SPACA3: variants seen among roughly 807,000 people sequenced by gnomAD.
SPACA3 encodes the protein sperm acrosome associated 3, also known as sperm acrosome membrane-associated protein 3.
In SPACA3, 21 loss-of-function variants were observed where a neutral mutation model predicts 24.5. The observed-to-expected ratio is 0.86, with a 90% confidence interval of 0.61 to 1.24. SPACA3 has a LOEUF of 1.24. Ranked by LOEUF, SPACA3 falls within the 50% of genes most tolerant of loss-of-function variation. SPACA3 has a pLI of 0.00. For missense variants in SPACA3, 278 were observed against 275.5 expected, an observed-to-expected ratio of 1.01 and a Z score of -0.06; for synonymous variants, 115 against 106.9, an observed-to-expected ratio of 1.08 and a Z score of -0.47.
chr17:32,993,422 C>T (rs182413781), intron 1 of SPACA3, among the ~76,000 whole-genome samples: 6 of 152,148 alleles, frequency 3.9e-5, no homozygotes, highest in East Asian at 3.9e-4. Flanking sequence ...AGCATATCAG[C>T]GTTTATGGCC....
intron 1 of SPACA3, among the ~76,000 whole-genome samples, chr17:32,993,851 G>A (rs1473554115): frequency 6.6e-6 from 1 of 152,044 alleles, no homozygotes; most frequent in African/African-American, 2.4e-5. Context: ...TAGCGCGCCG[G>A]GAGAGGAGGG....
intron 1 of SPACA3, among the ~76,000 whole-genome samples, chr17:32,993,589 A>G (rs2091704397): frequency 6.6e-6 from 1 of 152,134 alleles, no homozygotes; most frequent in African/African-American, 2.4e-5. Flanking sequence ...CCCATGAGAC[A>G]GAGTCGAAGG....
chr17:32,995,025 T>A (rs2091713000), intron 1 of SPACA3, among the ~76,000 whole-genome samples: 1 of 152,128 alleles, frequency 6.6e-6, no homozygotes, highest in African/African-American at 2.4e-5. Context: ...AGTTAAGATC[T>A]GGAGATGGAG....
Position 32,996,941 on chromosome 17 carries a change from C to T in SPACA3, c.442C>T (p.Arg148Trp), listed in dbSNP as rs147752062. 37 of 1,606,002 alleles carry T rather than the reference C, an allele frequency of 2.3e-5. No individual in the cohort carries two copies. The African/African-American group carries it at 3.8e-4, about 16-fold the overall frequency. The change falls in exon 3 of 5, where the codon CGG (arginine) becomes TGG (tryptophan). Residue 148 changes from arginine (R) to tryptophan (W), a missense_variant. By Grantham distance (101) the Arg-to-Trp change is moderately radical (BLOSUM62 -3). Coordinates refer to ENST00000269053, the MANE Select transcript of SPACA3 (RefSeq NM_173847.5). ...TNNGIFQINS[R>W]RWCSNLTPNV... Reference sequence around the variant, plus strand: ...CAACGGGATCTTCCAGATCAACAGCCGGAGGTGGTGCAGCAACCTCACCCC... The same window carrying T: ...CAACGGGATCTTCCAGATCAACAGCTGGAGGTGGTGCAGCAACCTCACCCC...
chr17:32,997,344 T>TGTGTGTGTGTGGAGAG, intron 3 of SPACA3, 101 bp from the exon 4 acceptor site: 1 of 602,094 alleles, frequency 1.7e-6, no homozygotes, highest in South Asian at 2.0e-5. Flanking sequence ...TGTGTGTGTG[T>TGTGTGTGTGTGGAGAG]AGAGAGAGAG....
chr17:32,996,710 A>AG (rs140981292), intron 2 of SPACA3, 133 bp from the exon 3 acceptor site: 981,188 of 981,996 alleles, frequency 1, 490,200 homozygotes, highest in Middle Eastern at 1. Context: ...AGCAGGTGGG[A>AG]GGCACCTGCC....
At chr17:32,995,354 G>T (rs1015121268) in intron 1 of SPACA3, 55 bp from the exon 2 acceptor site, 4 of 1,512,398 alleles carry the variant, frequency 2.6e-6, no homozygotes, top group Admixed American at 3.9e-5. Context: ...GGGCTGATAC[G>T]TGCTGCTGGA....
At chr17:32,992,073 G>A in intron 1 of SPACA3, 101 bp downstream of exon 1, 3 of 1,326,832 alleles carry the variant, frequency 2.3e-6, no homozygotes, top group Admixed American at 2.0e-5. Flanking sequence ...TTAGGGTGGG[G>A]TTATCCTGGC....
Position 32,997,439 on chromosome 17 carries a change from C to G in SPACA3, c.503-6C>G. Reference sequence around the variant, plus strand: ...TCTCATTGTGTTTCTCTGCCTATCACCCCAGATTTGTTGAATCCTAATCTC... The same window carrying G: ...TCTCATTGTGTTTCTCTGCCTATCAGCCCAGATTTGTTGAATCCTAATCTC... On this transcript the variant is annotated splice_polypyrimidine_tract_variant and splice_region_variant and intron_variant, in intron 3 of 4. Transcript: ENST00000269053. 1 of 1,613,450 alleles carries G rather than the reference C, an allele frequency of 6.2e-7. No individual in the cohort carries two copies.
Position 32,995,650 on chromosome 17 carries a change from T to C in SPACA3, c.276T>C (p.Arg92=). ...CCAGTGAGGCCAAGCTCTACGGTCG[T>C]TGTGAACTGGCCAGAGTGCTACATG... ...LPSSEAKLYG[R]CELARVLHDF... is the part of the protein sequence containing the mutation. The change falls in exon 2 of 5, where the codon CGT becomes CGC. Residue 92 remains arginine, a synonymous_variant. Transcript: ENST00000269053. 1 of 1,614,166 alleles carries C rather than the reference T, an allele frequency of 6.2e-7. No homozygotes were observed. Among genetic ancestry groups the C allele is most frequent in the Non-Finnish European group, 8.5e-7 (1 of 1,180,022 alleles).
intron 1 of SPACA3, among the ~76,000 whole-genome samples, chr17:32,994,830 G>A (rs1041419172): frequency 6.6e-6 from 1 of 152,212 alleles, no homozygotes; most frequent in African/African-American, 2.4e-5. Flanking sequence ...GACAGGGCAG[G>A]GAGGTCAAAC....
chr17:32,995,741 G>A lies in SPACA3; in HGVS notation c.343+24G>A, dbSNP rs372148348. ...CTGTGAGAACCCCTCTCCCTGGCGG[G>A]CCCTGACTTCCCCACACCTCCCTCC... On this transcript the variant is annotated intron_variant, in intron 2 of 4. Transcript: ENST00000269053. The A allele has an allele frequency of 3.1e-6, 5 of 1,600,168 alleles. No homozygotes were observed. The African/African-American group carries it at 4.0e-5, about 13-fold the overall frequency.
chr17:32,996,424 G>C (rs544894163), intron 2 of SPACA3, among the ~76,000 whole-genome samples: 6 of 151,114 alleles, frequency 4.0e-5, no homozygotes, highest in Admixed American at 4.0e-4. Flanking sequence ...GGGAGGCAGA[G>C]GTTGCAGTGA....
intron 1 of SPACA3, among the ~76,000 whole-genome samples, chr17:32,993,726 G>A (rs1247249974): frequency 1.3e-5 from 2 of 152,024 alleles, no homozygotes; most frequent in Non-Finnish European, 2.9e-5. Flanking sequence ...CGAGAAGAGG[G>A]GGAAAGAGAC....
chr17:32,992,011 G>A (rs1468636040), intron 1 of SPACA3, 39 bp downstream of exon 1: 1 of 1,610,898 alleles, frequency 6.2e-7, no homozygotes, highest in Non-Finnish European at 8.5e-7. Flanking sequence ...CTGTTAACAG[G>A]GGCGCTGGGT....
chr17:32,996,302 A>G (rs1006080329), intron 2 of SPACA3, among the ~76,000 whole-genome samples: 20 of 152,150 alleles, frequency 1.3e-4, no homozygotes, highest in African/African-American at 4.3e-4. Flanking sequence ...CAGCCAGGCC[A>G]ATATGGCGAA....
chr17:32,992,918 A>G, intron 1 of SPACA3: 1 of 471,128 alleles, frequency 2.1e-6, no homozygotes, highest in Non-Finnish European at 4.4e-6. Context: ...TTCATTTAAC[A>G]AATTTGTTCT....
At chr17:32,997,377 TCA>T (rs538091519) in intron 3 of SPACA3, 66 bp from the exon 4 acceptor site, 13,156 of 820,182 alleles carry the variant, frequency 0.016, 4 homozygotes, top group Non-Finnish European at 0.018. Context: ...AGATACACAC[TCA>T]CACACACACA....
intron 1 of SPACA3, among the ~76,000 whole-genome samples, chr17:32,994,214 G>A (rs934392317): frequency 6.6e-6 from 1 of 152,190 alleles, no homozygotes; most frequent in African/African-American, 2.4e-5. Flanking sequence ...AGTGTTAGTT[G>A]TAGTTCATAA....
Sources: allele counts gnomAD v4.1 joint callset (sites outside exome capture counted in the v4.1 genomes callset), GRCh38; gene constraint gnomAD v4.1.1; transcripts MANE v1.5; gene names NCBI Gene and HGNC (gene_info 2026-07-23, HGNC 2026-07-21).